MYO18A: variants seen among roughly 807,000 people sequenced by gnomAD.
MYO18A encodes the protein unconventional myosin-XVIIIa.
MYO18A carries 78 observed loss-of-function variants against 235.8 expected under a neutral mutation model. The ratio of observed to expected loss-of-function variants is 0.33; its 90% CI spans 0.28 to 0.40. The LOEUF is 0.40. Ranked by LOEUF, MYO18A falls within the 10% of genes least tolerant of loss-of-function variation. MYO18A has a pLI of 1.00. For missense variants in MYO18A, 2,215 were observed against 2,699.3 expected (o/e 0.82, Z 3.98); for synonymous variants, 977 against 1,077.8 (o/e 0.91, Z 1.83).
rs1248768605 is a variant in MYO18A at position 29,117,582 on chromosome 17, G to C, written c.2038+463C>G. 6.6e-6 allele frequency among the ~76,000 whole-genome samples: 1 copy of C among 152,146 alleles called. No homozygotes were observed. Among genetic ancestry groups the C allele is most frequent in the African/African-American group, 2.4e-5 (1 of 41,416 alleles). On this transcript the variant is annotated intron_variant, in intron 10 of 41. Coordinates refer to ENST00000527372, the MANE Select transcript of MYO18A (RefSeq NM_078471.4). The surrounding 1 kb of genome is among the most constrained non-coding windows in gnomAD (Gnocchi z 4.6). ...AACCTCCAGGCTTCTCCCCAGACCA[G>C]TCCTCTCTGCAGCAACAGAACAAGC... is the stretch of plus-strand genomic sequence containing the variant.
chr17:29,145,670 G>A (rs183516181), intron 2 of MYO18A, among the ~76,000 whole-genome samples: 2 of 152,308 alleles, frequency 1.3e-5, no homozygotes, highest in East Asian at 1.9e-4. Context: ...GCACGTTTGA[G>A]TGACTGAGTG....
rs1181249964 is a variant in MYO18A at position 29,136,235 on chromosome 17, GAA to G, written c.1000-13984_1000-13983del. 9.0e-3 allele frequency among the ~76,000 whole-genome samples: 949 copies of G among 105,222 alleles called. 8 individuals carry two copies. Among genetic ancestry groups the G allele is most frequent in the Middle Eastern group, 0.015 (3 of 196 alleles). The allele number at this position is 105,222 out of a possible 152,430, so 69.0% of individuals were successfully genotyped here. On this transcript the variant is annotated intron_variant, in intron 2 of 41. Coordinates refer to ENST00000527372, the MANE Select transcript of MYO18A (RefSeq NM_078471.4). The stretch of plus-strand genomic sequence containing the variant: ...GACCGAGTGAGACCCCATCTCAAAA[GAA>G]AAAAAAAAAAAAAATATATATATAT...
intron 21 of MYO18A, 26 bp downstream of exon 21, chr17:29,103,573 G>A (rs761225217): frequency 2.8e-5 from 45 of 1,613,046 alleles, no homozygotes; most frequent in African/African-American, 1.1e-4. Context: ...AGTGAGGCCC[G>A]ACTGCCCTCC....
At position 29,140,449 on chromosome 17, in the gene MYO18A, G is replaced by A. The variant is rs1177104457; in HGVS notation, c.1000-18196C>T. 2.4e-6 allele frequency: 3 copies of A among 1,229,446 alleles called. No individual in the cohort carries two copies. Among genetic ancestry groups the A allele is most frequent in the Non-Finnish European group, 3.1e-6 (3 of 959,236 alleles). The allele number at this position is 1,229,446 out of a possible 1,614,324, so 76.2% of individuals were successfully genotyped here. A position where few individuals can be genotyped will look rare whatever the true frequency, so the allele number is the denominator to read the frequency against. On this transcript the variant is annotated intron_variant, in intron 2 of 41. Coordinates refer to ENST00000527372, the MANE Select transcript of MYO18A (RefSeq NM_078471.4). This position sits in a 1 kb window ranked among gnomAD's most constrained non-coding sequence, Gnocchi z 4.2. Reference sequence around the variant, plus strand: ...CAGGCTGTGGCCCCGCCCAGTTCCCGCCCTCTCCCCGGCCCCTCCCGTCCC... The same window carrying A: ...CAGGCTGTGGCCCCGCCCAGTTCCCACCCTCTCCCCGGCCCCTCCCGTCCC...
At chr17:29,136,264 T>C (rs1282575168) in intron 2 of MYO18A, among the ~76,000 whole-genome samples, 1 of 138,960 alleles carries the variant, frequency 7.2e-6, no homozygotes, top group Non-Finnish European at 1.5e-5. Flanking sequence ...TATATATATA[T>C]ATATATATAT....
chr17:29,149,184 C>T lies in MYO18A; in HGVS notation c.999+16758G>A, dbSNP rs557584677. Among the ~76,000 whole-genome samples the T allele has an allele frequency of 8.7e-4, 133 of 152,380 alleles. 1 individual carries two copies. The highest frequency in any genetic ancestry group is 2.9e-3 in the African/African-American group (121 of 41,600). On this transcript the variant is annotated intron_variant, in intron 2 of 41. Transcript: ENST00000527372. ...GCGGCAAGATGGCCTCTCGCCGTCC[C>T]CAGGACGCGTAGGGCAAGAAGAGGC...
At position 29,106,228 on chromosome 17, in the gene MYO18A, G is replaced by C. The variant is rs1056441237; in HGVS notation, c.3441+852C>G. ...GGTGGGAGGCTGGAATGGAGGCTGA[G>C]GGCCTGTGAGAAGGGGGCGTGGGAC... is the stretch of plus-strand genomic sequence containing the variant. On this transcript the variant is annotated intron_variant, in intron 20 of 41. Transcript: ENST00000527372. This position sits in a 1 kb window ranked among gnomAD's most constrained non-coding sequence, Gnocchi z 4.6. Among the ~76,000 whole-genome samples, 1 of 152,150 alleles carries C rather than the reference G, an allele frequency of 6.6e-6. No homozygotes were observed. Among genetic ancestry groups the C allele is most frequent in the African/African-American group, 2.4e-5 (1 of 41,432 alleles).
In MYO18A at chr17:29,110,471, T is replaced by G. The variant is rs776672026; in HGVS notation, c.3052A>C (p.Lys1018Gln). The G allele has an allele frequency of 1.9e-6, 3 of 1,597,312 alleles. No homozygotes were observed. Among genetic ancestry groups the G allele is most frequent in the Non-Finnish European group, 2.6e-6 (3 of 1,172,480 alleles). ...TFTTGMAAVK[K>Q]KSLCIQMKLQ... The stretch of plus-strand genomic sequence containing the variant: ...TTCATCTGGATGCACAGTGACTTCT[T>G]TTTGACAGCCGCCATGCCTGTGGTA... Residue 1018 changes from lysine (K) to glutamine (Q), a missense_variant, in exon 18 of 42, where the codon AAG (lysine) becomes CAG (glutamine). Physicochemically the swap from Lys to Gln is moderately conservative, Grantham distance 53 (BLOSUM62 1). Transcript: ENST00000527372.
intron 2 of MYO18A, among the ~76,000 whole-genome samples, chr17:29,154,121 T>TGTGTGTGTGTGTGTGCGCGCGCGCGC (rs142430455): frequency 3.4e-5 from 5 of 149,102 alleles, no homozygotes; most frequent in African/African-American, 1.0e-4. Flanking sequence ...TGTGTGTGTG[T>TGTGTGTGTGTGTGTGCGCGCGCGCGC]GCGCGCGCGT....
intron 2 of MYO18A, among the ~76,000 whole-genome samples, chr17:29,162,028 T>C (rs1461583852): frequency 6.6e-6 from 1 of 152,060 alleles, no homozygotes; most frequent in Non-Finnish European, 1.5e-5. Context: ...ACATGACCCC[T>C]CCTCTCCCTC....
In MYO18A at chr17:29,166,962, G is replaced by C. The variant is rs996932589; in HGVS notation, c.-22C>G. 2 of 1,511,426 alleles carry C rather than the reference G, an allele frequency of 1.3e-6. No homozygotes were observed. Among genetic ancestry groups the C allele is most frequent in the Non-Finnish European group, 1.8e-6 (2 of 1,125,400 alleles). 93.6% of individuals were successfully genotyped at this position (1,511,426 alleles called of 1,614,324 possible). On this transcript the variant is annotated 5_prime_UTR_variant, in exon 2 of 42. Transcript: ENST00000527372. ...ACATGGTGGGGGTGCTGTTTGTAGG[G>C]GTAGCACCCCCAGAGGATTATGAGT... is the stretch of plus-strand genomic sequence containing the variant.
At chr17:29,142,134 C>CG (rs1215074962) in intron 2 of MYO18A, among the ~76,000 whole-genome samples, 2 of 152,164 alleles carry the variant, frequency 1.3e-5, no homozygotes, top group African/African-American at 4.8e-5. Flanking sequence ...TTAGTAGAGA[C>CG]GGGGTTTCAC....
chr17:29,098,375 C>T lies in MYO18A; in HGVS notation c.3851G>A (p.Ser1284Asn), dbSNP rs1458932964. 6.2e-7 allele frequency: 1 copy of T among 1,613,938 alleles called. No individual in the cohort carries two copies. The highest frequency in any genetic ancestry group is 8.5e-7 in the Non-Finnish European group (1 of 1,179,878). Residue 1284 changes from serine (S) to asparagine (N), a missense_variant, in exon 24 of 42, where the codon AGT becomes AAT. Transcript: ENST00000527372. ...EKERNELRLN[S>N]DRLESRISEL... The stretch of plus-strand genomic sequence containing the variant: ...ACTCACCCGGCTCTCCAGCCGGTCA[C>T]TGTTGAGCCGCAGCTCGTTCCTCTC...
chr17:29,084,995 A>T (rs1205132138), intron 40 of MYO18A, among the ~76,000 whole-genome samples: 1 of 152,212 alleles, frequency 6.6e-6, no homozygotes, highest in East Asian at 1.9e-4. Context: ...CCCTCTGCCC[A>T]CGGTACCGCA....
chr17:29,164,558 A>G (rs1236049682), intron 2 of MYO18A, among the ~76,000 whole-genome samples: 2 of 152,116 alleles, frequency 1.3e-5, no homozygotes, highest in Admixed American at 1.3e-4. Flanking sequence ...GTTTCCTCCC[A>G]TTAGCACTTC....
intron 1 of MYO18A, among the ~76,000 whole-genome samples, chr17:29,171,991 T>A (rs1028064981): frequency 7.9e-5 from 12 of 152,084 alleles, no homozygotes; most frequent in African/African-American, 2.7e-4. Flanking sequence ...AATTGTAGAA[T>A]CTAGGAAATG....
intron 38 of MYO18A, 176 bp downstream of exon 38, chr17:29,086,760 C>A (rs1332822967): frequency 1.8e-6 from 2 of 1,114,406 alleles, no homozygotes; most frequent in East Asian, 5.2e-5. Context: ...CTGAGGGAGT[C>A]TCCAGTGCCG....
chr17:29,172,920 C>T (rs763187091), intron 1 of MYO18A, among the ~76,000 whole-genome samples: 4 of 152,136 alleles, frequency 2.6e-5, no homozygotes, highest in Non-Finnish European at 4.4e-5. Flanking sequence ...ATTCAGCCTC[C>T]ATAACATTCA....
At chr17:29,168,702 G>A (rs369548612) in intron 1 of MYO18A, among the ~76,000 whole-genome samples, 3 of 152,216 alleles carry the variant, frequency 2.0e-5, no homozygotes, top group Admixed American at 1.3e-4. Flanking sequence ...CCCAAAGGCC[G>A]TAGTGCAATG....
Sources: gnomAD v4.1 joint callset for allele counts (sites outside exome capture counted in the v4.1 genomes callset) on GRCh38, gnomAD v4.1.1 for gene constraint, Gnocchi (gnomAD v3.1) non-coding constraint, MANE v1.5 for transcripts, NCBI Gene and HGNC (gene_info 2026-07-23, HGNC 2026-07-21) for gene names.